The following ZNF292 variants were observed in gnomAD, a reference collection of about 807,000 sequenced individuals.
ZNF292 encodes the protein 16 zinc-finger domain protein.
A neutral mutation model predicts 217.9 loss-of-function variants in ZNF292; 26 were observed. The ratio of observed to expected loss-of-function variants is 0.12; its 90% CI spans 0.09 to 0.17. ZNF292 has a LOEUF of 0.17. Among genes scored for constraint, ZNF292 ranks in the 10% least tolerant of loss-of-function variants. ZNF292 has a pLI of 1.00. For synonymous variants in ZNF292, 1,257 were observed against 1,124.1 expected, an observed-to-expected ratio of 1.12 and a Z score of -2.37; for missense variants, 2,904 against 3,175.2, an observed-to-expected ratio of 0.91 and a Z score of 2.05.
At chr6:87,162,407 TAGACTTTC>T (rs1770779848) in intron 1 of ZNF292, among the ~76,000 whole-genome samples, 1 of 152,210 alleles carries the variant, frequency 6.6e-6, no homozygotes, top group South Asian at 2.1e-4. Flanking sequence ...CCTTAAAAAT[TAGACTTTC>T]TTTTTGACTA....
chr6:87,234,484 G>A (rs772989056), intron 5 of ZNF292, among the ~76,000 whole-genome samples: 1 of 152,018 alleles, frequency 6.6e-6, no homozygotes, highest in Non-Finnish European at 1.5e-5. Flanking sequence ...GTTTGAACCT[G>A]GGAGGTGGGG....
intron 7 of ZNF292, among the ~76,000 whole-genome samples, chr6:87,251,333 G>T (rs116858497): frequency 6.6e-6 from 1 of 152,180 alleles, no homozygotes; most frequent in Non-Finnish European, 1.5e-5. Flanking sequence ...GGGCAGGGAA[G>T]AACTGAATGG....
rs772140637 is a variant in ZNF292, at chr6:87,159,495, CTTTTTTTTT to C, written c.168+3749_168+3757del. On this transcript the variant is annotated intron_variant, in intron 1 of 7. Coordinates refer to ENST00000369577, the MANE Select transcript of ZNF292 (RefSeq NM_015021.3). Reference sequence around the variant, plus strand: ...CTCCTGTCTCAGCTTTCTTTTCTTTCTTTTTTTTTTTTTTTTTTTTTAAAAAAGATGTAG... The same window carrying C: ...CTCCTGTCTCAGCTTTCTTTTCTTTCTTTTTTTTTTTTAAAAAAGATGTAG... Among the ~76,000 whole-genome samples the C allele has an allele frequency of 1.7e-4, 21 of 124,480 alleles. No individual in the cohort carries two copies. The East Asian group carries it at 4.2e-3, about 25-fold the overall frequency. The allele number at this position is 124,480 out of a possible 152,430, so 81.7% of individuals were successfully genotyped here. A position where few individuals can be genotyped will look rare whatever the true frequency, so the allele number is the denominator to read the frequency against.
chr6:87,167,402 A>T (rs1770953812), intron 1 of ZNF292, among the ~76,000 whole-genome samples: 1 of 152,172 alleles, frequency 6.6e-6, no homozygotes, highest in Non-Finnish European at 1.5e-5. Context: ...GCACTTTGGG[A>T]GGATGAGATA....
intron 1 of ZNF292, among the ~76,000 whole-genome samples, chr6:87,166,431 A>G (rs769375095): frequency 1.3e-5 from 2 of 152,204 alleles, no homozygotes; most frequent in Non-Finnish European, 2.9e-5. Context: ...GGCTGAGGTA[A>G]GGGATGATAA....
intron 1 of ZNF292, among the ~76,000 whole-genome samples, chr6:87,180,119 A>G (rs189129743): frequency 5.1e-4 from 78 of 152,344 alleles, no homozygotes; most frequent in African/African-American, 1.7e-3. Context: ...CACACATAAC[A>G]TACACTAACA....
chr6:87,264,213 A>G lies in ZNF292; in HGVS notation c.*2412A>G, dbSNP rs140137067. The G allele has an allele frequency of 6.6e-6, 1 of 152,242 alleles. No homozygotes were observed. Among genetic ancestry groups the G allele is most frequent in the Non-Finnish European group, 1.5e-5 (1 of 68,002 alleles). 9.4% of individuals were successfully genotyped at this position (152,242 alleles called of 1,614,324 possible). On this transcript the variant is annotated 3_prime_UTR_variant, in exon 8 of 8. Coordinates refer to ENST00000369577, the MANE Select transcript of ZNF292 (RefSeq NM_015021.3). ...TTCATGGTATACTTTTCCCCAGCCTATTGTCTTGAGATATCTTCTACAGCC... is the reference window on the plus strand; with the variant it reads ...TTCATGGTATACTTTTCCCCAGCCTGTTGTCTTGAGATATCTTCTACAGCC...
rs1055398303 is a variant in ZNF292 at position 87,265,029 on chromosome 6, A to C, written c.*3228A>C. Among the ~76,000 whole-genome samples the C allele has an allele frequency of 6.6e-6, 1 of 152,160 alleles. No individual in the cohort carries two copies. Among genetic ancestry groups the C allele is most frequent in the African/African-American group, 2.4e-5 (1 of 41,430 alleles). ...TTCAGCATGTTTATTGTAGTGAGAT[A>C]CTAGGCAGGTGGAAGGTTATTGCTG... is the stretch of plus-strand genomic sequence containing the variant. On this transcript the variant is annotated 3_prime_UTR_variant, in exon 8 of 8. Transcript: ENST00000369577.
intron 1 of ZNF292, among the ~76,000 whole-genome samples, chr6:87,185,707 G>A (rs774745119): frequency 2.0e-5 from 3 of 152,178 alleles, no homozygotes; most frequent in African/African-American, 7.2e-5. Context: ...GAGCTCAAGC[G>A]ATCTACCCAC....
chr6:87,204,392 C>G (rs1772180463), intron 1 of ZNF292, among the ~76,000 whole-genome samples: 1 of 152,024 alleles, frequency 6.6e-6, no homozygotes, highest in Non-Finnish European at 1.5e-5. Flanking sequence ...AATACATACT[C>G]TTTGAAGGTA....
intron 1 of ZNF292, among the ~76,000 whole-genome samples, chr6:87,202,383 G>A (rs1450875594): frequency 6.6e-6 from 1 of 152,016 alleles, no homozygotes; most frequent in Non-Finnish European, 1.5e-5. Context: ...AGTTGATTTT[G>A]TGTATGGATC....
At chr6:87,201,013 A>T (rs1772085013) in intron 1 of ZNF292, among the ~76,000 whole-genome samples, 1 of 152,218 alleles carries the variant, frequency 6.6e-6, no homozygotes, top group Admixed American at 6.5e-5. Context: ...AAATAAGATT[A>T]TTGGATTTCA....
chr6:87,203,177 G>A (rs552352862), intron 1 of ZNF292, among the ~76,000 whole-genome samples: 26 of 124,664 alleles, frequency 2.1e-4, no homozygotes, highest in Middle Eastern at 6.0e-3. Flanking sequence ...GGCTCACTGT[G>A]TTGGCCAGGC....
intron 3 of ZNF292, among the ~76,000 whole-genome samples, chr6:87,218,135 G>GA (rs1772881682): frequency 6.6e-6 from 1 of 151,998 alleles, no homozygotes; most frequent in African/African-American, 2.4e-5. Context: ...ATGAATAAAT[G>GA]AAAAAATCAT....
chr6:87,185,974 T>C (rs1164379556), intron 1 of ZNF292, among the ~76,000 whole-genome samples: 1 of 152,164 alleles, frequency 6.6e-6, no homozygotes, highest in Non-Finnish European at 1.5e-5. Context: ...AACCTAGTCC[T>C]TTGGATTTTT....
chr6:87,206,361 A>G (rs562836658), intron 1 of ZNF292, among the ~76,000 whole-genome samples: 1 of 152,266 alleles, frequency 6.6e-6, no homozygotes, highest in East Asian at 1.9e-4. Context: ...ACTCTTCATA[A>G]CAGAAAAGTT....
intron 1 of ZNF292, among the ~76,000 whole-genome samples, chr6:87,181,284 G>A (rs1223567340): frequency 2.0e-5 from 3 of 152,132 alleles, no homozygotes; most frequent in Non-Finnish European, 4.4e-5. Flanking sequence ...GATGGATGGG[G>A]AGCCAGAAGG....
In ZNF292 at chr6:87,260,726, A is replaced by G; in HGVS notation, c.7097A>G (p.Tyr2366Cys). The G allele has an allele frequency of 6.2e-7, 1 of 1,613,550 alleles. No homozygotes were observed. Among genetic ancestry groups the G allele is most frequent in the Non-Finnish European group, 8.5e-7 (1 of 1,179,666 alleles). Residue 2366 changes from tyrosine to cysteine, a missense_variant, in exon 8 of 8, where the codon TAT (tyrosine) becomes TGT (cysteine). Around this residue, in one of 15 missense-constraint regions of ZNF292, gnomAD observed 101 missense variants for 89.5 expected, o/e 1.13. Transcript: ENST00000369577. ...TCTCTGAAACGTGGGAAGCATGTAT[A>G]TTCTATAAAGGCTAGAAATGATGCC... ...PYSLKRGKHV[Y>C]SIKARNDALS... is the part of the protein sequence containing the mutation.
chr6:87,184,504 C>T (rs1323509892), intron 1 of ZNF292, among the ~76,000 whole-genome samples: 3 of 140,758 alleles, frequency 2.1e-5, no homozygotes, highest in African/African-American at 8.4e-5. Context: ...GGGACAGTTC[C>T]GTAGATGTCT....
Sources: allele counts gnomAD v4.1 joint callset (sites outside exome capture counted in the v4.1 genomes callset), GRCh38; gene constraint gnomAD v4.1.1; regional missense constraint gnomAD v4.1.1; transcripts MANE v1.5; gene names NCBI Gene and HGNC (gene_info 2026-07-23, HGNC 2026-07-21).